The following ZNF134 variants were observed in gnomAD, a reference collection of about 807,000 sequenced individuals.
ZNF134 encodes the protein zinc finger protein 134 (clone pHZ-15).
In ZNF134, 5 loss-of-function variants were observed where a neutral mutation model predicts 2.5. The ratio of observed to expected loss-of-function variants is 2.03; its 90% CI spans 1.06 to 4.27. The LOEUF is 4.27. Ranked by LOEUF, ZNF134 falls within the 30% of genes most tolerant of loss-of-function variation. The pLI is 0.00. For synonymous variants in ZNF134, 176 were observed against 176.2 expected (o/e 1.00, Z 0.01); for missense variants, 540 against 517.5 (o/e 1.04, Z -0.42).
chr19:57,614,266 A>T lies in ZNF134; in HGVS notation c.-295A>T. The T allele has an allele frequency of 2.3e-6, 1 of 444,176 alleles. No homozygotes were observed. The highest frequency in any genetic ancestry group is 2.0e-5 in the African/African-American group (1 of 49,348). The allele number at this position is 444,176 out of a possible 1,614,324, so 27.5% of individuals were successfully genotyped here. The stretch of plus-strand genomic sequence containing the variant: ...CGCGGTGGACATCTTGTCGGCTCTT[A>T]GGTGGAACCATCGGAGCAGAAGCTC... On this transcript the variant is annotated 5_prime_UTR_variant, in exon 1 of 3. Coordinates refer to ENST00000396161, the MANE Select transcript of ZNF134 (RefSeq NM_003435.5).
rs534515890 is a variant in ZNF134 at position 57,623,428 on chromosome 19, C to T, written c.*2025C>T. 1.3e-5 allele frequency: 2 copies of T among 151,902 alleles called. No homozygotes were observed. The highest frequency in any genetic ancestry group is 4.8e-5 in the African/African-American group (2 of 41,412). 9.4% of individuals were successfully genotyped at this position (151,902 alleles called of 1,614,324 possible). On this transcript the variant is annotated 3_prime_UTR_variant, in exon 3 of 3. Transcript: ENST00000396161. ...TAAGCAGAGGTTTTGAAGGTGTGACCATATATCTTACTAATTATAGTAAAA... is the reference window on the plus strand; with the variant it reads ...TAAGCAGAGGTTTTGAAGGTGTGACTATATATCTTACTAATTATAGTAAAA...
chr19:57,616,727 G>T (rs1319886770), intron 1 of ZNF134, among the ~76,000 whole-genome samples: 1 of 152,192 alleles, frequency 6.6e-6, no homozygotes, highest in Non-Finnish European at 1.5e-5. Flanking sequence ...GTGGGAACCT[G>T]CCACTCCCAG....
chr19:57,621,643 T>C lies in ZNF134; in HGVS notation c.*240T>C. On this transcript the variant is annotated 3_prime_UTR_variant, in exon 3 of 3. Coordinates refer to ENST00000396161, the MANE Select transcript of ZNF134 (RefSeq NM_003435.5). ...CATTGGGGAAGGCAGGGTTTTGTAT[T>C]GTCCAGTCCCTGGAGAAAATCATGA... The C allele has an allele frequency of 1.4e-6, 1 of 699,184 alleles. No homozygotes were observed. Among genetic ancestry groups the C allele is most frequent in the South Asian group, 1.5e-5 (1 of 68,316 alleles). The allele number at this position is 699,184 out of a possible 1,614,324, so 43.3% of individuals were successfully genotyped here.
rs950895498 is a variant in ZNF134 at position 57,614,333 on chromosome 19, G to A, written c.-228G>A. ...TCCGAGGTGACGGAAGCGGGAGGGT[G>A]CGGGAGAAGTCGCTGTTCGCTCTGC... is the stretch of plus-strand genomic sequence containing the variant. On this transcript the variant is annotated 5_prime_UTR_variant, in exon 1 of 3. Coordinates refer to ENST00000396161, the MANE Select transcript of ZNF134 (RefSeq NM_003435.5). The A allele has an allele frequency of 1.1e-5, 5 of 454,686 alleles. No homozygotes were observed. Among genetic ancestry groups the A allele is most frequent in the African/African-American group, 2.0e-5 (1 of 50,000 alleles). The allele number at this position is 454,686 out of a possible 1,614,324, so 28.2% of individuals were successfully genotyped here.
At chr19:57,618,998 A>G (rs1381954782) in intron 1 of ZNF134, 4 of 195,964 alleles carry the variant, frequency 2.0e-5, no homozygotes, top group Admixed American at 5.4e-5. Flanking sequence ...ATTCCCTCAC[A>G]TAGGTCCCCT....
Position 57,621,198 on chromosome 19 carries a change from T to C in ZNF134, c.1079T>C (p.Ile360Thr). Residue 360 changes from isoleucine (I) to threonine (T), a missense_variant, in exon 3 of 3, where the codon ATT becomes ACT. Transcript: ENST00000396161. ...TTCTTTAGTCGAAGTTCTGACTATA[T>C]TGCACACCAGAGGGTTCACACTGGT... ...GKFFSRSSDY[I>T]AHQRVHTGER... 2 of 1,614,164 alleles carry C rather than the reference T, an allele frequency of 1.2e-6. No homozygotes were observed. The highest frequency in any genetic ancestry group is 1.7e-6 in the Non-Finnish European group (2 of 1,180,036).
At position 57,622,956 on chromosome 19, in the gene ZNF134, GATACACAC is replaced by G. The variant is rs1981268433; in HGVS notation, c.*1555_*1562del. 1 of 82,498 alleles carries G rather than the reference GATACACAC, an allele frequency of 1.2e-5. No homozygotes were observed. Among genetic ancestry groups the G allele is most frequent in the Non-Finnish European group, 2.3e-5 (1 of 42,874 alleles). The allele number at this position is 82,498 out of a possible 1,614,324, so 5.1% of individuals were successfully genotyped here. A position where few individuals can be genotyped will look rare whatever the true frequency, so the allele number is the denominator to read the frequency against. On this transcript the variant is annotated 3_prime_UTR_variant, in exon 3 of 3. Coordinates refer to ENST00000396161, the MANE Select transcript of ZNF134 (RefSeq NM_003435.5). ...ATTTAAAGTGTACGAGTTAAGTCTT[GATACACAC>G]ACACACACACACACACACACACACA... is the stretch of plus-strand genomic sequence containing the variant.
rs889964153 is a variant in ZNF134 at position 57,623,763 on chromosome 19, C to T, written c.*2360C>T. On this transcript the variant is annotated 3_prime_UTR_variant, in exon 3 of 3. Coordinates refer to ENST00000396161, the MANE Select transcript of ZNF134 (RefSeq NM_003435.5). ...ACAATTTATAAGAAGTTTAAACTAT[C>T]ACTCATCTCAGCAAAAGCCAAAAAT... The T allele has an allele frequency of 6.6e-6, 1 of 152,196 alleles. No homozygotes were observed. The highest frequency in any genetic ancestry group is 1.5e-5 in the Non-Finnish European group (1 of 68,034). The allele number at this position is 152,196 out of a possible 1,614,324, so 9.4% of individuals were successfully genotyped here.
chr19:57,619,643 C>T (rs1434041378), intron 2 of ZNF134, 135 bp downstream of exon 2: 1 of 1,003,818 alleles, frequency 1.0e-6, no homozygotes, highest in African/African-American at 1.6e-5. Flanking sequence ...ATTCTGTACA[C>T]TCTTGTCATT....
chr19:57,619,288 C>T, intron 1 of ZNF134, 124 bp from the exon 2 acceptor site: 1 of 765,882 alleles, frequency 1.3e-6, no homozygotes, highest in Non-Finnish European at 2.2e-6. Flanking sequence ...TGCACTGTTC[C>T]TGCAGGACAA....
intron 2 of ZNF134, chr19:57,619,723 G>A (rs1981143596): frequency 1.7e-6 from 1 of 590,888 alleles, no homozygotes; most frequent in African/African-American, 1.9e-5. Context: ...TAGAGCAATA[G>A]CTCTCTCTGC....
chr19:57,624,334 C>A lies in ZNF134; in HGVS notation c.*2931C>A, dbSNP rs1471661137. On this transcript the variant is annotated 3_prime_UTR_variant, in exon 3 of 3. Transcript: ENST00000396161. ...TGAGACAGGAATAGCACTGGGTGGTCACAGGAGGATGGAAAATCTCAACAC... is the reference window on the plus strand; with the variant it reads ...TGAGACAGGAATAGCACTGGGTGGTAACAGGAGGATGGAAAATCTCAACAC... The A allele has an allele frequency of 6.6e-6, 1 of 151,152 alleles. No individual in the cohort carries two copies. The highest frequency in any genetic ancestry group is 1.5e-5 in the Non-Finnish European group (1 of 67,878). 9.4% of individuals were successfully genotyped at this position (151,152 alleles called of 1,614,324 possible).
chr19:57,618,137 A>T (rs559125482), intron 1 of ZNF134, among the ~76,000 whole-genome samples: 66 of 152,328 alleles, frequency 4.3e-4, no homozygotes, highest in African/African-American at 1.5e-3. Flanking sequence ...TGACCTCAGT[A>T]GTACAACAAC....
chr19:57,619,503 G>T lies in ZNF134; in HGVS notation c.35G>T (p.Gly12Val). ...TLVTAGGAWT[G>V]PGCWHEVKDE... ...GTCACAGCAGGAGGGGCTTGGACAG[G>T]CCCTGGTGAGTGGGAGCTGAGGGAC... Residue 12 changes from glycine (G) to valine (V), a missense_variant, in exon 2 of 3, where the codon GGC (glycine) becomes GTC (valine). By Grantham distance (109) the Gly-to-Val change is moderately radical. Transcript: ENST00000396161. 1 of 1,602,526 alleles carries T rather than the reference G, an allele frequency of 6.2e-7. No individual in the cohort carries two copies. The highest frequency in any genetic ancestry group is 1.3e-5 in the African/African-American group (1 of 74,896).
At chr19:57,620,139 A>T (rs748040525) in intron 2 of ZNF134, 21 bp from the exon 3 acceptor site, 1 of 1,601,878 alleles carries the variant, frequency 6.2e-7, no homozygotes, top group Non-Finnish European at 8.5e-7. Flanking sequence ...ATGTACATCA[A>T]TAGTATTTTT....
In ZNF134 at chr19:57,614,417, C is replaced by T. The variant is rs560196497; in HGVS notation, c.-144C>T. ...CCCCGGGGACGGACGACCGCGGTGC[C>T]AGGGTCCCGCGACCTGGGACCCCCT... On this transcript the variant is annotated 5_prime_UTR_variant, in exon 1 of 3. Coordinates refer to ENST00000396161, the MANE Select transcript of ZNF134 (RefSeq NM_003435.5). 8.9e-6 allele frequency: 4 copies of T among 449,416 alleles called. No individual in the cohort carries two copies. In the East Asian group the frequency reaches 2.2e-4, roughly 24 times the overall value. The allele number at this position is 449,416 out of a possible 1,614,324, so 27.8% of individuals were successfully genotyped here.
intron 1 of ZNF134, among the ~76,000 whole-genome samples, chr19:57,619,050 C>G (rs1052613348): frequency 1.3e-5 from 2 of 152,158 alleles, no homozygotes; most frequent in Admixed American, 1.3e-4. Context: ...CCTCTCTTCC[C>G]TGTGTTCCTC....
intron 2 of ZNF134, among the ~76,000 whole-genome samples, chr19:57,619,819 A>T (rs1981146221): frequency 1.3e-5 from 2 of 152,310 alleles, no homozygotes; most frequent in Non-Finnish European, 2.9e-5. Context: ...CACGTTACTT[A>T]TTTTTAATCA....
At position 57,614,499 on chromosome 19, in the gene ZNF134, C is replaced by A; in HGVS notation, c.-62C>A. 1 of 381,142 alleles carries A rather than the reference C, an allele frequency of 2.6e-6. No homozygotes were observed. The highest frequency in any genetic ancestry group is 1.9e-5 in the South Asian group (1 of 52,980). The allele number at this position is 381,142 out of a possible 1,614,324, so 23.6% of individuals were successfully genotyped here. A position where few individuals can be genotyped will look rare whatever the true frequency, so the allele number is the denominator to read the frequency against. On this transcript the variant is annotated 5_prime_UTR_variant, in exon 1 of 3. Transcript: ENST00000396161. The stretch of plus-strand genomic sequence containing the variant: ...GCGGCGGCCGCGGTGATGGGCCCGG[C>A]GCAGGTGGGTGCTGCCTTTCCCAGA...
Sources: gnomAD v4.1 joint callset for allele counts (sites outside exome capture counted in the v4.1 genomes callset) on GRCh38, gnomAD v4.1.1 for gene constraint, MANE v1.5 for transcripts, NCBI Gene and HGNC (gene_info 2026-07-23, HGNC 2026-07-21) for gene names.